AP3B1: variants seen among roughly 807,000 people sequenced by gnomAD.
AP3B1 encodes AP-3 complex subunit beta-1.
In AP3B1, 61 loss-of-function variants were observed where a neutral mutation model predicts 132.5. That is an observed-to-expected ratio of 0.46 (90% confidence interval 0.37 to 0.57). The LOEUF is 0.57. Among genes scored for constraint, AP3B1 ranks in the 20% least tolerant of loss-of-function variants. The pLI is 0.00. For synonymous variants in AP3B1, 388 were observed against 438.3 expected (o/e 0.89, Z 1.43); for missense variants, 1,120 against 1,289.4 (o/e 0.87, Z 2.01).
chr5:78,163,662 CACAT>C (rs2112373173), intron 12 of AP3B1, among the ~76,000 whole-genome samples: 1 of 147,852 alleles, frequency 6.8e-6, no homozygotes, highest in African/African-American at 2.5e-5. Context: ...TACACACACA[CACAT>C]ATATATATAC....
At chr5:78,085,617 C>T (rs373907) in intron 22 of AP3B1, among the ~76,000 whole-genome samples, 3 of 151,988 alleles carry the variant, frequency 2.0e-5, no homozygotes, top group African/African-American at 7.3e-5. Flanking sequence ...AGTTCTAGTC[C>T]TTTTGCTCAT....
At chr5:78,189,326 C>T (rs1247688393) in intron 7 of AP3B1, among the ~76,000 whole-genome samples, 3 of 151,902 alleles carry the variant, frequency 2.0e-5, no homozygotes. Flanking sequence ...TTTTTGAGTT[C>T]ACTTCCATAA....
chr5:78,067,952 C>A lies in AP3B1; in HGVS notation c.2577+21441G>T, dbSNP rs115837766. 2.1e-3 allele frequency among the ~76,000 whole-genome samples: 265 copies of A among 126,582 alleles called. 1 individual carries two copies. Among genetic ancestry groups the A allele is most frequent in the African/African-American group, 8.0e-3 (254 of 31,762 alleles). The allele number at this position is 126,582 out of a possible 152,430, so 83.0% of individuals were successfully genotyped here. On this transcript the variant is annotated intron_variant, in intron 22 of 26. Transcript: ENST00000255194. ...GGAGACAGACACATGAAAAACCCTT[C>A]GAAAAAAAAAAAATCAATGAATCCA... is the stretch of plus-strand genomic sequence containing the variant.
intron 6 of AP3B1, among the ~76,000 whole-genome samples, chr5:78,225,148 G>C (rs948469639): frequency 3.3e-5 from 5 of 152,034 alleles, no homozygotes; most frequent in African/African-American, 1.2e-4. Context: ...ATCCTAAGAT[G>C]AGCTGGAATC....
chr5:78,097,092 C>G (rs1750860127), intron 21 of AP3B1, among the ~76,000 whole-genome samples: 1 of 124,368 alleles, frequency 8.0e-6, no homozygotes, highest in African/African-American at 3.1e-5. Flanking sequence ...GGCCAGCCGC[C>G]CCGTCCGGGA....
At chr5:78,245,664 T>A (rs1417250650) in intron 2 of AP3B1, among the ~76,000 whole-genome samples, 1 of 152,112 alleles carries the variant, frequency 6.6e-6, no homozygotes, top group Non-Finnish European at 1.5e-5. Context: ...TTCCTCCTTA[T>A]CCACTCAAAT....
At chr5:78,249,236 G>A (rs1747522971) in intron 2 of AP3B1, among the ~76,000 whole-genome samples, 1 of 151,920 alleles carries the variant, frequency 6.6e-6, no homozygotes, top group African/African-American at 2.4e-5. Context: ...TGGGGAGCGG[G>A]GGCACCTGTA....
At chr5:78,102,357 A>C (rs1397769213) in intron 20 of AP3B1, among the ~76,000 whole-genome samples, 1 of 152,128 alleles carries the variant, frequency 6.6e-6, no homozygotes, top group South Asian at 2.1e-4. Flanking sequence ...AATAATATAC[A>C]TTATTAATAC....
chr5:78,124,927 T>A (rs765901785), intron 17 of AP3B1, among the ~76,000 whole-genome samples: 1 of 152,174 alleles, frequency 6.6e-6, no homozygotes, highest in Non-Finnish European at 1.5e-5. Context: ...TGGCCATGAA[T>A]TCTATGGAGT....
At chr5:78,162,540 A>G (rs1305957520) in intron 13 of AP3B1, among the ~76,000 whole-genome samples, 1 of 152,176 alleles carries the variant, frequency 6.6e-6, no homozygotes, top group Non-Finnish European at 1.5e-5. Context: ...GATACAATCA[A>G]GGTGATTAAA....
intron 22 of AP3B1, among the ~76,000 whole-genome samples, chr5:78,071,213 A>G (rs536966404): frequency 2.6e-5 from 4 of 152,330 alleles, no homozygotes; most frequent in African/African-American, 4.8e-5. Context: ...ATATTCCATG[A>G]AATACTATGC....
intron 22 of AP3B1, among the ~76,000 whole-genome samples, chr5:78,050,023 T>A (rs1748513164): frequency 6.6e-6 from 1 of 152,196 alleles, no homozygotes; most frequent in Non-Finnish European, 1.5e-5. Context: ...CCTATTACTC[T>A]TGAACTCGTT....
At chr5:78,107,599 T>C (rs931886537) in intron 20 of AP3B1, among the ~76,000 whole-genome samples, 4 of 152,190 alleles carry the variant, frequency 2.6e-5, no homozygotes, top group Non-Finnish European at 5.9e-5. Context: ...ATGCGAGTCT[T>C]ACACAGAGCT....
At position 78,034,397 on chromosome 5, in the gene AP3B1, A is replaced by C; in HGVS notation, c.2858T>G (p.Phe953Cys). The C allele has an allele frequency of 6.2e-7, 1 of 1,612,496 alleles. No individual in the cohort carries two copies. Among genetic ancestry groups the C allele is most frequent in the South Asian group, 1.1e-5 (1 of 91,026 alleles). Residue 953 changes from phenylalanine (F) to cysteine (C), a missense_variant, in exon 24 of 27, where the codon TTT becomes TGT. By Grantham distance (205) the Phe-to-Cys change is radical. Around this residue, in one of 3 missense-constraint regions of AP3B1, gnomAD observed 906 missense variants for 997.1 expected, o/e 0.91. Transcript: ENST00000255194. Reference protein sequence around the residue: ...GSITVSMGIDFCDSTQTASFQ... With the variant: ...GSITVSMGIDCCDSTQTASFQ... ...ACTGGCAGTCTGAGTAGAATCACAA[A>C]AGTCAATACCCATTGAAACTGTAAT...
intron 7 of AP3B1, among the ~76,000 whole-genome samples, chr5:78,213,478 G>A (rs1745834650): frequency 6.6e-6 from 1 of 152,112 alleles, no homozygotes; most frequent in Non-Finnish European, 1.5e-5. Flanking sequence ...ACTGCAATAA[G>A]GGCTGAGCCT....
intron 22 of AP3B1, among the ~76,000 whole-genome samples, chr5:78,072,407 T>A (rs955675703): frequency 3.9e-5 from 6 of 152,216 alleles, no homozygotes; most frequent in African/African-American, 1.4e-4. Context: ...ATTTTAGAGA[T>A]AATCACAATT....
intron 20 of AP3B1, among the ~76,000 whole-genome samples, chr5:78,108,090 C>T (rs188094898): frequency 1.3e-5 from 2 of 152,200 alleles, no homozygotes; most frequent in Admixed American, 1.3e-4. Flanking sequence ...GCCATATATT[C>T]AAGGTAACTC....
intron 21 of AP3B1, among the ~76,000 whole-genome samples, chr5:78,094,674 T>C (rs1547982): frequency 0.053 from 8,094 of 152,026 alleles, 325 homozygotes; most frequent in Non-Finnish European, 0.078. Flanking sequence ...GACTGACTCT[T>C]TTTTTCTTTC....
chr5:78,195,239 G>A (rs572682966), intron 7 of AP3B1, among the ~76,000 whole-genome samples: 12 of 152,306 alleles, frequency 7.9e-5, no homozygotes, highest in African/African-American at 2.9e-4. Context: ...AACGAGAGCA[G>A]CCATGAGCTG....
Sources: gnomAD v4.1 joint callset for allele counts (sites outside exome capture counted in the v4.1 genomes callset) on GRCh38, gnomAD v4.1.1 for gene constraint, gnomAD v4.1.1 regional missense constraint, MANE v1.5 for transcripts, NCBI Gene and HGNC (gene_info 2026-07-23, HGNC 2026-07-21) for gene names.